GGT5: variants seen among roughly 807,000 people sequenced by gnomAD.
GGT5 encodes gamma-glutamyltransferase 5, also known as glutathione hydrolase 5 proenzyme.
In GGT5, 50 loss-of-function variants were observed where a neutral mutation model predicts 58.1. The observed-to-expected ratio is 0.86, with a 90% confidence interval of 0.69 to 1.09. The LOEUF is 1.09. Ranked by LOEUF, GGT5 falls within the 50% of genes least tolerant of loss-of-function variation. GGT5 has a pLI of 0.00. For missense variants in GGT5, 800 were observed against 789.4 expected (o/e 1.01, Z -0.16); for synonymous variants, 370 against 346.1 (o/e 1.07, Z -0.77).
At chr22:24,232,726 A>G (rs2148916890) in intron 4 of GGT5, 97 bp downstream of exon 4, 1 of 772,102 alleles carries the variant, frequency 1.3e-6, no homozygotes, top group Non-Finnish European at 1.9e-6. Context: ...TCAATCCTCC[A>G]GTGTAAGAGG....
At chr22:24,237,405 A>ATATT (rs67402234) in intron 1 of GGT5, among the ~76,000 whole-genome samples, 22 of 151,070 alleles carry the variant, frequency 1.5e-4, no homozygotes, top group Admixed American at 8.6e-4. Flanking sequence ...AAATTATTTT[A>ATATT]TATTTATTTA....
intron 11 of GGT5, among the ~76,000 whole-genome samples, chr22:24,224,639 A>C (rs547359390): frequency 6.6e-6 from 1 of 152,246 alleles, no homozygotes; most frequent in African/African-American, 2.4e-5. Context: ...AGTTGCAAAT[A>C]TTAGTTACAA....
At chr22:24,232,778 T>C (rs2047983127) in intron 4 of GGT5, 45 bp downstream of exon 4, 1 of 1,348,010 alleles carries the variant, frequency 7.4e-7, no homozygotes, top group Admixed American at 2.7e-5. Context: ...CCAGACAGGA[T>C]ATGGCCTTGA....
chr22:24,224,202 G>A (rs961000028), intron 11 of GGT5, among the ~76,000 whole-genome samples: 2 of 152,012 alleles, frequency 1.3e-5, no homozygotes, highest in Non-Finnish European at 2.9e-5. Flanking sequence ...ATGGGCTTCT[G>A]TGGGGAATCA....
At chr22:24,241,392 T>A (rs1371820968) in intron 1 of GGT5, 1 of 152,122 alleles carries the variant, frequency 6.6e-6, no homozygotes, top group Non-Finnish European at 1.5e-5. Context: ...GAACCTAACA[T>A]CTGTAGAGCA....
intron 1 of GGT5, among the ~76,000 whole-genome samples, chr22:24,234,492 C>T (rs1439856815): frequency 6.6e-6 from 1 of 152,136 alleles, no homozygotes; most frequent in Non-Finnish European, 1.5e-5. Context: ...TGATGGACCC[C>T]AAAACTTCTC....
In GGT5 at chr22:24,225,115, G is replaced by A. The variant is rs1475070696; in HGVS notation, c.1504-9C>T. ...AGCTTGCTCATGATGGCCTGGGGGA[G>A]AGATGAGGGTTTCAGGGAGAAAGGG... On this transcript the variant is annotated splice_polypyrimidine_tract_variant and intron_variant, in intron 10 of 11. Transcript: ENST00000327365. 3.1e-6 allele frequency: 5 copies of A among 1,598,030 alleles called. No homozygotes were observed. In the Admixed American group the frequency reaches 8.7e-5, roughly 28 times the overall value.
chr22:24,226,094 G>A lies in GGT5; in HGVS notation c.1211C>T (p.Thr404Ile). 1 of 1,601,830 alleles carries A rather than the reference G, an allele frequency of 6.2e-7. No homozygotes were observed. The stretch of plus-strand genomic sequence containing the variant: ...TACGCACGGTGTGTTGATGGTGCTG[G>A]TGGCAGCCACGGCGCTGCCATCCTC... ...LGEDGSAVAA[T>I]STINTPFGAM... Residue 404 changes from threonine to isoleucine, a missense_variant, in exon 8 of 12, where the codon ACC becomes ATC. Coordinates refer to ENST00000327365, the MANE Select transcript of GGT5 (RefSeq NM_004121.5).
Position 24,232,982 on chromosome 22 carries a change from C to T in GGT5, c.437G>A (p.Gly146Asp). Residue 146 changes from glycine (G) to aspartate (D), a missense_variant, in exon 4 of 12, where the codon GGC (glycine) becomes GAC (aspartate). Physicochemically the swap from Gly to Asp is moderately conservative, Grantham distance 94. Coordinates refer to ENST00000327365, the MANE Select transcript of GGT5 (RefSeq NM_004121.5). The stretch of plus-strand genomic sequence containing the variant: ...ATGGCGGCGGTGGGCCTCGGCATAG[C>T]CACGGAGCTCCCCGGGCACCCCGAT... Reference protein sequence around the residue: ...QWIGVPGELRGYAEAHRRHGR... With the variant: ...QWIGVPGELRDYAEAHRRHGR... 6.4e-7 allele frequency: 1 copy of T among 1,557,654 alleles called. No homozygotes were observed. The highest frequency in any genetic ancestry group is 8.7e-7 in the Non-Finnish European group (1 of 1,151,478).
At chr22:24,231,302 G>T (rs1569361805) in intron 6 of GGT5, 82 bp downstream of exon 6, 1 of 944,278 alleles carries the variant, frequency 1.1e-6, no homozygotes, top group Non-Finnish European at 1.6e-6. Flanking sequence ...CCTTGGCTGG[G>T]CTTGGGCTTG....
Position 24,233,734 on chromosome 22 carries a change from C to A in GGT5, c.304+140G>T. On this transcript the variant is annotated intron_variant, in intron 2 of 11. Transcript: ENST00000327365. ...CAGGAGTTGACACAAGGGCTTTGCA[C>A]AGCTGAGGCAAATGGGGCAGGGCAG... 6.5e-6 allele frequency: 6 copies of A among 929,308 alleles called. No homozygotes were observed. In the South Asian group the frequency reaches 9.2e-5, roughly 14 times the overall value. 57.6% of individuals were successfully genotyped at this position (929,308 alleles called of 1,614,324 possible).
chr22:24,244,758 G>A lies in GGT5; in HGVS notation c.-33C>T, dbSNP rs768965901. On this transcript the variant is annotated 5_prime_UTR_variant, in exon 1 of 12. Transcript: ENST00000327365. ...CAGCCCAGGAGGAGAGGGGCGGCTG[G>A]TGGGCAGACGGAGGGACGGATGGGT... 2 of 1,576,090 alleles carry A rather than the reference G, an allele frequency of 1.3e-6. No homozygotes were observed. Among genetic ancestry groups the A allele is most frequent in the East Asian group, 4.6e-5 (2 of 43,364 alleles).
Position 24,226,084 on chromosome 22 carries a change from GATGGTGCTGGTGGCAGCCAC to G in GGT5, c.1201_1220del (p.Val401GlnfsTer105). On this transcript the variant is annotated frameshift_variant, in exon 8 of 12. Coordinates refer to ENST00000327365, the MANE Select transcript of GGT5 (RefSeq NM_004121.5). LOFTEE classifies it high-confidence loss of function. ...CCCCAGGCCCTACGCACGGTGTGTTGATGGTGCTGGTGGCAGCCACGGCGCTGCCATCCTCCCCCAGCACA... is the reference window on the plus strand; with the variant it reads ...CCCCAGGCCCTACGCACGGTGTGTTGGGCGCTGCCATCCTCCCCCAGCACA... The G allele has an allele frequency of 6.3e-7, 1 of 1,596,366 alleles. No individual in the cohort carries two copies. The highest frequency in any genetic ancestry group is 2.2e-5 in the East Asian group (1 of 44,490).
chr22:24,226,761 T>G lies in GGT5; in HGVS notation c.908A>C (p.Asn303Thr), dbSNP rs1445772052. Residue 303 changes from asparagine (N) to threonine (T), a missense_variant, in exon 7 of 12, where the codon AAC becomes ACC. Asn to Thr is a moderately conservative substitution (Grantham distance 65, BLOSUM62 0). Transcript: ENST00000327365. ...SFILNVLRGF[N>T]FSTESMARPE... ...CCTGGCCATAGACTCTGTTGAGAAG[T>G]TGAACCCTGGAGAGAGGTTGGGGCA... is the stretch of plus-strand genomic sequence containing the variant. 1.2e-6 allele frequency: 2 copies of G among 1,613,968 alleles called. No homozygotes were observed. Among genetic ancestry groups the G allele is most frequent in the South Asian group, 2.2e-5 (2 of 91,084 alleles).
In GGT5 at chr22:24,219,667, C is replaced by T. The variant is rs542276573; in HGVS notation, c.*303G>A. The stretch of plus-strand genomic sequence containing the variant: ...AGAACCATGGAATCAGGCCACAGTC[C>T]GCCTCTTTAATCTTGGACTGGAGGA... On this transcript the variant is annotated 3_prime_UTR_variant, in exon 12 of 12. Coordinates refer to ENST00000327365, the MANE Select transcript of GGT5 (RefSeq NM_004121.5). 116 of 334,356 alleles carry T rather than the reference C, an allele frequency of 3.5e-4. No individual in the cohort carries two copies. Among genetic ancestry groups the T allele is most frequent in the Non-Finnish European group, 3.9e-4 (71 of 179,784 alleles). The allele number at this position is 334,356 out of a possible 1,614,324, so 20.7% of individuals were successfully genotyped here.
rs752088966 is a variant in GGT5 at position 24,232,041 on chromosome 22, G to A, written c.754+10C>T. 6.8e-6 allele frequency: 11 copies of A among 1,610,552 alleles called. No homozygotes were observed. Among genetic ancestry groups the A allele is most frequent in the Non-Finnish European group, 9.3e-6 (11 of 1,177,320 alleles). On this transcript the variant is annotated intron_variant, in intron 5 of 11. Transcript: ENST00000327365. ...GCAGGGATGGGGTATGGAACCTCAG[G>A]GAGGCTGACCTTCCTTGGCAATGTC...
At chr22:24,236,426 A>G (rs1173831882) in intron 1 of GGT5, among the ~76,000 whole-genome samples, 1 of 152,094 alleles carries the variant, frequency 6.6e-6, no homozygotes, top group Non-Finnish European at 1.5e-5. Context: ...ATGGCCTCCT[A>G]CCCAGGCCCC....
intron 1 of GGT5, among the ~76,000 whole-genome samples, chr22:24,235,266 C>T (rs181970786): frequency 6.6e-6 from 1 of 152,276 alleles, no homozygotes; most frequent in Non-Finnish European, 1.5e-5. Context: ...CCATGTTGGT[C>T]AGGCTGGTCT....
chr22:24,232,372 T>C (rs555547655), intron 4 of GGT5, among the ~76,000 whole-genome samples, 164 bp from the exon 5 acceptor site: 1 of 151,730 alleles, frequency 6.6e-6, no homozygotes, highest in South Asian at 2.1e-4. Context: ...CTCTAGGAGG[T>C]GGTGGGACTG....
Sources: allele counts gnomAD v4.1 joint callset (sites outside exome capture counted in the v4.1 genomes callset), GRCh38; gene constraint gnomAD v4.1.1; transcripts MANE v1.5; gene names NCBI Gene and HGNC (gene_info 2026-07-23, HGNC 2026-07-21).